Variants in PGPEP1 observed in about 807,000 individuals in gnomAD.
PGPEP1 encodes pyroglutamyl-peptidase I.
PGPEP1 carries 15 observed loss-of-function variants against 24.1 expected under a neutral mutation model. The observed-to-expected ratio is 0.62, with a 90% confidence interval of 0.42 to 0.96. The LOEUF (loss-of-function observed/expected upper bound fraction) is 0.96, where lower values mean the gene tolerates loss of function less well. Among genes scored for constraint, PGPEP1 ranks in the 40% least tolerant of loss-of-function variants. The pLI is 0.00. For missense variants in PGPEP1, 242 were observed against 273.4 expected, an observed-to-expected ratio of 0.89 and a Z score of 0.81; for synonymous variants, 122 against 116.4, an observed-to-expected ratio of 1.05 and a Z score of -0.31.
rs1469420191 is a variant in PGPEP1, at chr19:18,366,333, G to A, written c.*2750G>A. On this transcript the variant is annotated 3_prime_UTR_variant, in exon 5 of 5. Transcript: ENST00000269919. ...TAGCTCCTTAGAGATATAACCTATT[G>A]TCTGCTCATTGTCACGTGTGTGTGT... 6.6e-6 allele frequency: 1 copy of A among 152,112 alleles called. No individual in the cohort carries two copies. The highest frequency in any genetic ancestry group is 6.6e-5 in the Admixed American group (1 of 15,256). 9.4% of individuals were successfully genotyped at this position (152,112 alleles called of 1,614,324 possible).
Position 18,340,625 on chromosome 19 carries a change from A to G in PGPEP1, c.-57A>G, listed in dbSNP as rs570498910. On this transcript the variant is annotated 5_prime_UTR_variant, in exon 1 of 5. Coordinates refer to ENST00000269919, the MANE Select transcript of PGPEP1 (RefSeq NM_017712.4). The stretch of plus-strand genomic sequence containing the variant: ...CGCGCGGCCGAGAGGCTGCAGCGGC[A>G]GCAGCTGTCGCGCCAGTCGCAACAG... The G allele has an allele frequency of 2.7e-6, 4 of 1,472,000 alleles. No individual in the cohort carries two copies. Among genetic ancestry groups the G allele is most frequent in the Non-Finnish European group, 2.7e-6 (3 of 1,103,300 alleles). The allele number at this position is 1,472,000 out of a possible 1,614,324, so 91.2% of individuals were successfully genotyped here. A position where few individuals can be genotyped will look rare whatever the true frequency, so the allele number is the denominator to read the frequency against.
intron 4 of PGPEP1, 155 bp downstream of exon 4, chr19:18,357,770 C>T (rs966378210): frequency 1.4e-5 from 9 of 628,644 alleles, no homozygotes; most frequent in African/African-American, 5.4e-5. Context: ...TAGCAGGTGC[C>T]GTTGGTTCTG....
rs3078437 is a variant in PGPEP1, at chr19:18,343,679, C to CTT, written c.87+789_87+790dup. On this transcript the variant is annotated intron_variant, in intron 2 of 4. Transcript: ENST00000269919. ...AATTATCCAACTCTAGGATCTCCCT[C>CTT]TTTTTTTTTTTTTTTTTTTTTTGAG... 5.3e-3 allele frequency among the ~76,000 whole-genome samples: 613 copies of CTT among 115,002 alleles called. 2 individuals are homozygous for CTT. Among genetic ancestry groups the CTT allele is most frequent in the African/African-American group, 7.7e-3 (224 of 28,978 alleles). 75.4% of individuals were successfully genotyped at this position (115,002 alleles called of 152,430 possible). A position where few individuals can be genotyped will look rare whatever the true frequency, so the allele number is the denominator to read the frequency against.
At chr19:18,354,104 G>A (rs1348607079) in intron 2 of PGPEP1, among the ~76,000 whole-genome samples, 2 of 152,056 alleles carry the variant, frequency 1.3e-5, no homozygotes, top group African/African-American at 2.4e-5. Context: ...GCGTGATCCC[G>A]CATGTCTGTA....
Position 18,355,935 on chromosome 19 carries a change from A to G in PGPEP1, c.128A>G (p.His43Arg), listed in dbSNP as rs748933565. The change falls in exon 3 of 5, where the codon CAT becomes CGT. Residue 43 changes from histidine to arginine, a missense_variant. Coordinates refer to ENST00000269919, the MANE Select transcript of PGPEP1 (RefSeq NM_017712.4). Reference sequence around the variant, plus strand: ...GGCCTTGGCGACAGCGTGGACCTGCATGTGTACGAGATTCCGGTTGAGTAC... The same window carrying G: ...GGCCTTGGCGACAGCGTGGACCTGCGTGTGTACGAGATTCCGGTTGAGTAC... Reference protein sequence around the residue: ...KLGLGDSVDLHVYEIPVEYQT... With the variant: ...KLGLGDSVDLRVYEIPVEYQT... 1.2e-6 allele frequency: 2 copies of G among 1,613,600 alleles called. No homozygotes were observed. Among genetic ancestry groups the G allele is most frequent in the Admixed American group, 1.7e-5 (1 of 60,002 alleles).
At position 18,364,123 on chromosome 19, in the gene PGPEP1, T is replaced by TCTTTCTTTCTTTCTTTCTTG. The variant is rs1568321189; in HGVS notation, c.*547_*548insTCTTTCTTTCTTGCTTTCTT. The TCTTTCTTTCTTTCTTTCTTG allele has an allele frequency of 7.1e-6, 1 of 139,986 alleles. No homozygotes were observed. The highest frequency in any genetic ancestry group is 7.4e-5 in the Admixed American group (1 of 13,430). 8.7% of individuals were successfully genotyped at this position (139,986 alleles called of 1,614,324 possible). On this transcript the variant is annotated 3_prime_UTR_variant, in exon 5 of 5. Coordinates refer to ENST00000269919, the MANE Select transcript of PGPEP1 (RefSeq NM_017712.4). ...TTCTTTCTTTCTTTCTTGCTTTCTTTCTTTCTTGCTTTCTTTCTTCTCTCT... is the reference window on the plus strand; with the variant it reads ...TTCTTTCTTTCTTTCTTGCTTTCTTTCTTTCTTTCTTTCTTTCTTGCTTTCTTGCTTTCTTTCTTCTCTCT...
intron 2 of PGPEP1, chr19:18,348,857 G>C (rs565312500): frequency 1.3e-5 from 2 of 152,000 alleles, no homozygotes; most frequent in Admixed American, 6.6e-5. Context: ...CCTGGGCTCC[G>C]GTGATCCTCT....
intron 4 of PGPEP1, among the ~76,000 whole-genome samples, chr19:18,358,494 A>C (rs1043829589): frequency 6.6e-6 from 1 of 151,986 alleles, no homozygotes; most frequent in Non-Finnish European, 1.5e-5. Context: ...TCCCGACCTC[A>C]GGTGATGCAC....
In PGPEP1 at chr19:18,368,420, C is replaced by G. The variant is rs912691513; in HGVS notation, c.*4837C>G. On this transcript the variant is annotated 3_prime_UTR_variant, in exon 5 of 5. Transcript: ENST00000269919. The stretch of plus-strand genomic sequence containing the variant: ...CGCCACTGCATTCCAGACTGGGCAA[C>G]ATAGCAAGACTCTGTCACAAAAAAA... 3 of 140,066 alleles carry G rather than the reference C, an allele frequency of 2.1e-5. No individual in the cohort carries two copies. The highest frequency in any genetic ancestry group is 8.1e-5 in the African/African-American group (3 of 36,848). 8.7% of individuals were successfully genotyped at this position (140,066 alleles called of 1,614,324 possible). A position where few individuals can be genotyped will look rare whatever the true frequency, so the allele number is the denominator to read the frequency against.
Position 18,357,584 on chromosome 19 carries a change from G to A in PGPEP1, c.406G>A (p.Val136Met). The A allele has an allele frequency of 6.2e-7, 1 of 1,611,302 alleles. No individual in the cohort carries two copies. The highest frequency in any genetic ancestry group is 8.5e-7 in the Non-Finnish European group (1 of 1,178,794). Residue 136 changes from valine (V) to methionine (M), a missense_variant, in exon 4 of 5, where the codon GTG becomes ATG. Physicochemically the swap from Val to Met is conservative, Grantham distance 21. Transcript: ENST00000269919. ...CKRVTTLGLD[V>M]SVTISQDAGR... is the part of the protein sequence containing the mutation. ...GCGAGTCACCACGTTGGGCCTGGAT[G>A]TGTCGGTGACCATCTCGCAGGATGC... is the stretch of plus-strand genomic sequence containing the variant.
Position 18,357,376 on chromosome 19 carries a change from T to TGTG in PGPEP1, c.205-6_205-4dup. ...CCATGTTAAGTCCTGCCCCTGTCTGTGTGCAGCTGGTGGTGCATGTGGGGG... is the reference window on the plus strand; with the variant it reads ...CCATGTTAAGTCCTGCCCCTGTCTGTGTGGTGCAGCTGGTGGTGCATGTGGGGG... On this transcript the variant is annotated splice_region_variant and splice_polypyrimidine_tract_variant and intron_variant, in intron 3 of 4. Coordinates refer to ENST00000269919, the MANE Select transcript of PGPEP1 (RefSeq NM_017712.4). 1.2e-5 allele frequency: 19 copies of TGTG among 1,610,560 alleles called. No homozygotes were observed. Among genetic ancestry groups the TGTG allele is most frequent in the Non-Finnish European group, 1.4e-5 (17 of 1,177,456 alleles).
rs560019742 is a variant in PGPEP1 at position 18,351,793 on chromosome 19, A to G, written c.88-4102A>G. Among the ~76,000 whole-genome samples, 118 of 152,058 alleles carry G rather than the reference A, an allele frequency of 7.8e-4. 2 individuals are homozygous for G. The South Asian group carries it at 0.017, about 22-fold the overall frequency. On this transcript the variant is annotated intron_variant, in intron 2 of 4. Transcript: ENST00000269919. ...CCCCATCTCTAAAAGAAAAAATTCT[A>G]TGGGATTTCTCAGGTGTGTGAATAA...
chr19:18,344,825 C>A (rs1470776208), intron 2 of PGPEP1, among the ~76,000 whole-genome samples: 1 of 152,076 alleles, frequency 6.6e-6, no homozygotes, highest in African/African-American at 2.4e-5. Context: ...TCCTGGGCCC[C>A]AGACACTGAT....
chr19:18,358,407 T>G (rs1376774601), intron 4 of PGPEP1, among the ~76,000 whole-genome samples: 1 of 151,526 alleles, frequency 6.6e-6, no homozygotes, highest in African/African-American at 2.4e-5. Flanking sequence ...ATTATAGGCA[T>G]GCACCACCAC....
At chr19:18,342,938 C>T (rs989059581) in intron 2 of PGPEP1, 27 bp downstream of exon 2, 1 of 1,587,908 alleles carries the variant, frequency 6.3e-7, no homozygotes, top group Non-Finnish European at 8.6e-7. Context: ...GGGTGGGAGT[C>T]AGGCTTGGAG....
intron 2 of PGPEP1, among the ~76,000 whole-genome samples, chr19:18,351,804 C>T (rs1971033815): frequency 6.6e-6 from 1 of 151,720 alleles, no homozygotes; most frequent in Admixed American, 6.6e-5. Context: ...TGGGATTTCT[C>T]AGGTGTGTGA....
At chr19:18,349,780 G>C (rs1394499991) in intron 2 of PGPEP1, among the ~76,000 whole-genome samples, 1 of 152,148 alleles carries the variant, frequency 6.6e-6, no homozygotes, top group African/African-American at 2.4e-5. Context: ...GGTCCAAACA[G>C]AGATTACTCA....
rs1971440797 is a variant in PGPEP1 at position 18,364,091 on chromosome 19, T to TCTTTCTTTCTTTCTTTCTTTCTTTCTTG, written c.*531_*532insTCTTGCTTTCTTTCTTTCTTTCTTTCTT. 9.6e-6 allele frequency: 1 copy of TCTTTCTTTCTTTCTTTCTTTCTTTCTTG among 104,056 alleles called. No homozygotes were observed. The highest frequency in any genetic ancestry group is 4.5e-5 in the African/African-American group (1 of 21,998). The allele number at this position is 104,056 out of a possible 1,614,324, so 6.4% of individuals were successfully genotyped here. On this transcript the variant is annotated 3_prime_UTR_variant, in exon 5 of 5. Transcript: ENST00000269919. Reference sequence around the variant, plus strand: ...ATATGGCTGGCTGGCTGGCTTTCTTTCTTTCTTTCTTTCTTTCTTTCTTGC... The same window carrying TCTTTCTTTCTTTCTTTCTTTCTTTCTTG: ...ATATGGCTGGCTGGCTGGCTTTCTTTCTTTCTTTCTTTCTTTCTTTCTTTCTTGCTTTCTTTCTTTCTTTCTTTCTTGC...
intron 4 of PGPEP1, chr19:18,361,671 T>G: frequency 1.1e-6 from 1 of 939,146 alleles, no homozygotes; most frequent in Non-Finnish European, 1.3e-6. Flanking sequence ...AAATTCTCAT[T>G]CCCTCTCTTT....
Sources: allele counts gnomAD v4.1 joint callset (sites outside exome capture counted in the v4.1 genomes callset), GRCh38; gene constraint gnomAD v4.1.1; transcripts MANE v1.5; gene names NCBI Gene and HGNC (gene_info 2026-07-23, HGNC 2026-07-21).